Variants in TRPS1 observed in about 807,000 individuals in gnomAD.
The protein encoded by TRPS1 is zinc finger transcription factor Trps1.
In TRPS1, 6 loss-of-function variants were observed where a neutral mutation model predicts 101.2. The ratio of observed to expected loss-of-function variants is 0.06; its 90% CI spans 0.03 to 0.12. TRPS1 has a LOEUF of 0.12. TRPS1 is among the 10% of genes least tolerant of loss of function. TRPS1 has a pLI of 1.00. For synonymous variants in TRPS1, 578 were observed against 589.8 expected, an observed-to-expected ratio of 0.98 and a Z score of 0.29; for missense variants, 1,363 against 1,567.0, an observed-to-expected ratio of 0.87 and a Z score of 2.20.
At chr8:115,464,451 T>C (rs566339003) in intron 5 of TRPS1, among the ~76,000 whole-genome samples, 1 of 152,136 alleles carries the variant, frequency 6.6e-6, no homozygotes. Context: ...TTTAGGAAAC[T>C]GTCTGAAGTC....
At chr8:115,609,742 CACTG>C (rs1280190702) in intron 3 of TRPS1, among the ~76,000 whole-genome samples, 4 of 152,198 alleles carry the variant, frequency 2.6e-5, no homozygotes, top group Non-Finnish European at 2.9e-5. Context: ...AAGTCTTTTT[CACTG>C]ACTAAGGACT....
At chr8:115,548,823 G>C (rs960650198) in intron 5 of TRPS1, among the ~76,000 whole-genome samples, 1 of 152,180 alleles carries the variant, frequency 6.6e-6, no homozygotes, top group Admixed American at 6.5e-5. Flanking sequence ...TCTGTGCTGT[G>C]TCTTATTCAG....
At chr8:115,654,655 A>G (rs978196587) in intron 1 of TRPS1, among the ~76,000 whole-genome samples, 1 of 152,170 alleles carries the variant, frequency 6.6e-6, no homozygotes, top group Non-Finnish European at 1.5e-5. Flanking sequence ...AGTAATACAA[A>G]CTAGCTTCTT....
intron 2 of TRPS1, 32 bp from the exon 3 acceptor site, chr8:115,620,092 T>C (rs759031876): frequency 1.2e-6 from 2 of 1,601,074 alleles, no homozygotes; most frequent in Admixed American, 1.7e-5. Context: ...GCAGATACAG[T>C]GTTATCTGAA....
chr8:115,497,725 A>AT (rs2130128056), intron 5 of TRPS1, among the ~76,000 whole-genome samples: 1 of 152,308 alleles, frequency 6.6e-6, no homozygotes, highest in South Asian at 2.1e-4. Flanking sequence ...TACTTGCCCA[A>AT]TTTTTGACAT....
chr8:115,444,062 A>G (rs1813671915), intron 5 of TRPS1, among the ~76,000 whole-genome samples: 1 of 152,198 alleles, frequency 6.6e-6, no homozygotes, highest in African/African-American at 2.4e-5. Context: ...TTCGCCATGT[A>G]GTTTATCATT....
chr8:115,471,647 G>C (rs926876377), intron 5 of TRPS1, among the ~76,000 whole-genome samples: 3 of 152,066 alleles, frequency 2.0e-5, no homozygotes, highest in African/African-American at 7.2e-5. Flanking sequence ...CAAGTCCAAA[G>C]TCTCATCTGA....
chr8:115,546,613 G>C (rs1241671588), intron 5 of TRPS1, among the ~76,000 whole-genome samples: 2 of 80,622 alleles, frequency 2.5e-5, no homozygotes, highest in African/African-American at 9.8e-5. Context: ...CACACACACA[G>C]AGCCACGGAG....
intron 1 of TRPS1, among the ~76,000 whole-genome samples, chr8:115,663,263 TA>T (rs1220240893): frequency 1.3e-5 from 2 of 151,806 alleles, no homozygotes; most frequent in African/African-American, 2.4e-5. Flanking sequence ...TTTTTTTTTT[TA>T]AATGGCATTT....
At chr8:115,539,203 T>C (rs1487146811) in intron 5 of TRPS1, among the ~76,000 whole-genome samples, 1 of 152,198 alleles carries the variant, frequency 6.6e-6, no homozygotes, top group African/African-American at 2.4e-5. Context: ...GCAGGAGACC[T>C]ATCAGTAAAG....
chr8:115,587,487 G>A lies in TRPS1; in HGVS notation c.2214C>T (p.Asn738=), dbSNP rs761205610. 3 of 1,614,138 alleles carry A rather than the reference G, an allele frequency of 1.9e-6. No individual in the cohort carries two copies. Among genetic ancestry groups the A allele is most frequent in the Admixed American group, 1.7e-5 (1 of 60,024 alleles). Residue 738 remains asparagine, a synonymous_variant, in exon 5 of 7, where the codon AAC becomes AAT. Coordinates refer to ENST00000395715, the MANE Select transcript of TRPS1 (RefSeq NM_014112.5). ...ATATGGCATGACCGTCCTCTTCGCC[G>A]TTGGCTGTAGTGATGTCCTGTTCCT... ...HCQEQDITTA[N]GEEDGHAIST...
chr8:115,649,753 T>C (rs929755977), intron 1 of TRPS1, among the ~76,000 whole-genome samples: 4 of 152,200 alleles, frequency 2.6e-5, no homozygotes, highest in Admixed American at 1.3e-4. Flanking sequence ...TGGGCAAAGT[T>C]TGCATGCCCT....
chr8:115,548,819 CTG>C (rs1816638700), intron 5 of TRPS1, among the ~76,000 whole-genome samples: 2 of 152,174 alleles, frequency 1.3e-5, no homozygotes, highest in Non-Finnish European at 2.9e-5. Flanking sequence ...ATAATCTGTG[CTG>C]TGTCTTATTC....
At chr8:115,467,423 C>G (rs1421156187) in intron 5 of TRPS1, among the ~76,000 whole-genome samples, 2 of 149,740 alleles carry the variant, frequency 1.3e-5, no homozygotes, top group African/African-American at 4.9e-5. Flanking sequence ...AGCAATTTGA[C>G]CTTTTGTTAA....
chr8:115,499,915 ATTTCTTTCTTTCTTTCTTTCTTTC>A (rs373053040), intron 5 of TRPS1, among the ~76,000 whole-genome samples: 1 of 134,772 alleles, frequency 7.4e-6, no homozygotes, highest in Non-Finnish European at 1.6e-5. Context: ...AAAGTGCTAA[ATTTCTTTCTTTCTTTCTTTCTTTC>A]TTTCTTTCTT....
chr8:115,471,902 G>A (rs1349038681), intron 5 of TRPS1, among the ~76,000 whole-genome samples: 3 of 152,196 alleles, frequency 2.0e-5, no homozygotes, highest in Non-Finnish European at 2.9e-5. Context: ...CAAGAGGTGG[G>A]CTCCCATGGC....
At chr8:115,641,489 C>T (rs1818893761) in intron 1 of TRPS1, among the ~76,000 whole-genome samples, 1 of 152,126 alleles carries the variant, frequency 6.6e-6, no homozygotes, top group Non-Finnish European at 1.5e-5. Context: ...CGCCTTTCAC[C>T]AGAGGCATAC....
intron 1 of TRPS1, among the ~76,000 whole-genome samples, chr8:115,641,584 A>T (rs977648252): frequency 1.3e-5 from 2 of 152,178 alleles, no homozygotes; most frequent in Non-Finnish European, 2.9e-5. Flanking sequence ...GTCACTGAAG[A>T]CCTATATTGA....
intron 1 of TRPS1, among the ~76,000 whole-genome samples, chr8:115,656,950 A>G (rs1487805678): frequency 2.0e-5 from 3 of 152,176 alleles, no homozygotes; most frequent in African/African-American, 7.2e-5. Flanking sequence ...TTCAAAATCA[A>G]TGGACTTCAA....
Sources: allele counts gnomAD v4.1 joint callset (sites outside exome capture counted in the v4.1 genomes callset), GRCh38; gene constraint gnomAD v4.1.1; transcripts MANE v1.5; gene names NCBI Gene and HGNC (gene_info 2026-07-23, HGNC 2026-07-21).